The following PIK3CG variants were observed in gnomAD, a reference collection of about 807,000 sequenced individuals.
PIK3CG encodes phosphatidylinositol-4,5-bisphosphate 3-kinase catalytic subunit gamma, also known as phosphatidylinositol 4,5-bisphosphate 3-kinase catalytic subunit gamma isoform.
Under a neutral mutation model 102.3 loss-of-function variants are expected in PIK3CG, and 55 were observed. That is an observed-to-expected ratio of 0.54 (90% CI 0.43 to 0.67). The LOEUF (loss-of-function observed/expected upper bound fraction) is 0.67, where lower values mean the gene tolerates loss of function less well. Among genes scored for constraint, PIK3CG ranks in the 30% least tolerant of loss-of-function variants. The probability of loss-of-function intolerance (pLI) is 0.00; values close to 1 mark genes in which losing one functional copy is unlikely to be tolerated. For synonymous variants in PIK3CG, 552 were observed against 540.0 expected, an observed-to-expected ratio of 1.02 and a Z score of -0.31; for missense variants, 1,258 against 1,391.8, an observed-to-expected ratio of 0.90 and a Z score of 1.53.
rs1022188979 is a variant in PIK3CG at position 106,903,752 on chromosome 7, A to T, written c.3031-1357A>T. On this transcript the variant is annotated intron_variant, in intron 10 of 10. Coordinates refer to ENST00000496166, the MANE Select transcript of PIK3CG (RefSeq NM_001282426.2). This position sits in a 1 kb window ranked among gnomAD's most constrained non-coding sequence, Gnocchi z 4.3. Reference sequence around the variant, plus strand: ...TCACTTTTCTGATTTTATTTTTTTTATTTATTTATTTATTTATTTATTTAG... The same window carrying T: ...TCACTTTTCTGATTTTATTTTTTTTTTTTATTTATTTATTTATTTATTTAG... Among the ~76,000 whole-genome samples the T allele has an allele frequency of 2.0e-5, 3 of 150,690 alleles. No homozygotes were observed. Among genetic ancestry groups the T allele is most frequent in the Non-Finnish European group, 4.4e-5 (3 of 67,656 alleles).
At position 106,869,278 on chromosome 7, in the gene PIK3CG, G is replaced by A. The variant is rs2116461978; in HGVS notation, c.1717G>A (p.Glu573Lys). The change falls in exon 2 of 11, where the codon GAA becomes AAA. Residue 573 changes from glutamate (E) to lysine (K), a missense_variant. Coordinates refer to ENST00000496166, the MANE Select transcript of PIK3CG (RefSeq NM_001282426.2). This position sits in a 1 kb window ranked among gnomAD's most constrained non-coding sequence, Gnocchi z 5.3. Reference sequence around the variant, plus strand: ...TAACCCTCTCACAGCAGAGGACAAAGAATTGCTCTGGCATTTTAGATACGA... The same window carrying A: ...TAACCCTCTCACAGCAGAGGACAAAAAATTGCTCTGGCATTTTAGATACGA... Reference protein sequence around the residue: ...PLNPLTAEDKELLWHFRYESL... With the variant: ...PLNPLTAEDKKLLWHFRYESL... 3 of 1,614,216 alleles carry A rather than the reference G, an allele frequency of 1.9e-6. No individual in the cohort carries two copies. Among genetic ancestry groups the A allele is most frequent in the Non-Finnish European group, 1.7e-6 (2 of 1,180,036 alleles).
chr7:106,867,517 T>G lies in PIK3CG; in HGVS notation c.-12-33T>G. On this transcript the variant is annotated intron_variant, in intron 1 of 10. Coordinates refer to ENST00000496166, the MANE Select transcript of PIK3CG (RefSeq NM_001282426.2). This position sits in a 1 kb window ranked among gnomAD's most constrained non-coding sequence, Gnocchi z 5.1. ...AAAATATAAGGGGAAAGTGCCTTTC[T>G]TGTGACAAATCCCTGTGTCCCTCCG... 6.6e-7 allele frequency: 1 copy of G among 1,513,684 alleles called. No individual in the cohort carries two copies. Among genetic ancestry groups the G allele is most frequent in the South Asian group, 1.3e-5 (1 of 75,130 alleles). The allele number at this position is 1,513,684 out of a possible 1,614,324, so 93.8% of individuals were successfully genotyped here.
At chr7:106,898,924 T>G (rs1399805316) in intron 10 of PIK3CG, among the ~76,000 whole-genome samples, 1 of 152,174 alleles carries the variant, frequency 6.6e-6, no homozygotes, top group Admixed American at 6.6e-5. Flanking sequence ...TCATTTGTAA[T>G]TTGATAGAAA....
At chr7:106,901,598 A>G (rs1791555614) in intron 10 of PIK3CG, among the ~76,000 whole-genome samples, 1 of 152,146 alleles carries the variant, frequency 6.6e-6, no homozygotes, top group Non-Finnish European at 1.5e-5. Flanking sequence ...CTCTTGTTGG[A>G]GAACTGGTGT....
At chr7:106,873,725 G>T (rs1301916756) in intron 4 of PIK3CG, among the ~76,000 whole-genome samples, 1 of 151,678 alleles carries the variant, frequency 6.6e-6, no homozygotes, top group East Asian at 1.9e-4. Flanking sequence ...ATCTGTGTGT[G>T]TGTGTGTGTG....
chr7:106,897,004 CT>C lies in PIK3CG; in HGVS notation c.3031-8099del, dbSNP rs1247766972. Among the ~76,000 whole-genome samples, 1 of 152,100 alleles carries C rather than the reference CT, an allele frequency of 6.6e-6. No homozygotes were observed. The highest frequency in any genetic ancestry group is 2.4e-5 in the African/African-American group (1 of 41,404). On this transcript the variant is annotated intron_variant, in intron 10 of 10. Coordinates refer to ENST00000496166, the MANE Select transcript of PIK3CG (RefSeq NM_001282426.2). The surrounding 1 kb of genome is among the most constrained non-coding windows in gnomAD (Gnocchi z 4.6). ...ATATTTTGTCCTATAAATTTATATTCTTTTTTCTATATAAATATTTTGTGTT... is the reference window on the plus strand; with the variant it reads ...ATATTTTGTCCTATAAATTTATATTCTTTTTCTATATAAATATTTTGTGTT...
intron 5 of PIK3CG, among the ~76,000 whole-genome samples, chr7:106,876,392 C>G (rs901492244): frequency 1.5e-5 from 2 of 135,132 alleles, no homozygotes; most frequent in African/African-American, 5.6e-5. Flanking sequence ...AGGTGGGTTG[C>G]CTTCTTTTTT....
At position 106,879,006 on chromosome 7, in the gene PIK3CG, G is replaced by T. The variant is rs79591788; in HGVS notation, c.2392-513G>T. ...ATTTATTTAGATGTATGAGGTTTAG[G>T]GGGAGGGCGTGTTGTACCTAAATGC... On this transcript the variant is annotated intron_variant, in intron 5 of 10. Transcript: ENST00000496166. The surrounding 1 kb of genome is among the most constrained non-coding windows in gnomAD (Gnocchi z 4.9). Among the ~76,000 whole-genome samples, 16 of 152,260 alleles carry T rather than the reference G, an allele frequency of 1.1e-4. No homozygotes were observed. In the East Asian group the frequency reaches 2.9e-3, roughly 28 times the overall value.
intron 5 of PIK3CG, among the ~76,000 whole-genome samples, chr7:106,876,941 T>TA (rs1790768124): frequency 6.6e-6 from 1 of 152,108 alleles, no homozygotes; most frequent in South Asian, 2.1e-4. Context: ...CTCACACCTG[T>TA]AATTCCAGCA....
rs905549841 is a variant in PIK3CG, at chr7:106,897,877, A to G, written c.3031-7232A>G. Reference sequence around the variant, plus strand: ...GCGTTTTTATGGTAGAATGATTTCTATTCCTCTGGGTATATACCCAGTAAT... The same window carrying G: ...GCGTTTTTATGGTAGAATGATTTCTGTTCCTCTGGGTATATACCCAGTAAT... On this transcript the variant is annotated intron_variant, in intron 10 of 10. Coordinates refer to ENST00000496166, the MANE Select transcript of PIK3CG (RefSeq NM_001282426.2). The surrounding 1 kb of genome is among the most constrained non-coding windows in gnomAD (Gnocchi z 4.6). 3.3e-5 allele frequency among the ~76,000 whole-genome samples: 5 copies of G among 152,208 alleles called. No homozygotes were observed. The highest frequency in any genetic ancestry group is 3.8e-4 in the East Asian group (2 of 5,198).
In PIK3CG at chr7:106,883,066, T is replaced by C; in HGVS notation, c.2663T>C (p.Ile888Thr). The change falls in exon 8 of 11, where the codon ATT (isoleucine) becomes ACT (threonine). Residue 888 changes from isoleucine to threonine, a missense_variant. Coordinates refer to ENST00000496166, the MANE Select transcript of PIK3CG (RefSeq NM_001282426.2). This position sits in a 1 kb window ranked among gnomAD's most constrained non-coding sequence, Gnocchi z 5.8. ...GAGATTGTGAAAGACGCCACGACAA[T>C]TGCCAAAATTCAGCAAAGCACAGTG... is the stretch of plus-strand genomic sequence containing the variant. ...MIEIVKDATT[I>T]AKIQQSTVGN... is the part of the protein sequence containing the mutation. 6.2e-7 allele frequency: 1 copy of C among 1,614,076 alleles called. No homozygotes were observed. Among genetic ancestry groups the C allele is most frequent in the Non-Finnish European group, 8.5e-7 (1 of 1,179,994 alleles).
chr7:106,900,249 C>G lies in PIK3CG; in HGVS notation c.3031-4860C>G, dbSNP rs10270653. On this transcript the variant is annotated intron_variant, in intron 10 of 10. Transcript: ENST00000496166. ...TTGGATTATATATATATTTAGGCTA[C>G]TTTATATATATATTAAGGATAGTTA... is the stretch of plus-strand genomic sequence containing the variant. 6.6e-3 allele frequency among the ~76,000 whole-genome samples: 1,004 copies of G among 151,810 alleles called. 8 individuals carry two copies. Among genetic ancestry groups the G allele is most frequent in the African/African-American group, 0.023 (951 of 41,448 alleles).
At position 106,907,310 on chromosome 7, in the gene PIK3CG, G is replaced by A. The variant is rs1562805663; in HGVS notation, c.*1923G>A. 6.6e-6 allele frequency among the ~76,000 whole-genome samples: 1 copy of A among 152,002 alleles called. No homozygotes were observed. Among genetic ancestry groups the A allele is most frequent in the South Asian group, 2.1e-4 (1 of 4,828 alleles). Reference sequence around the variant, plus strand: ...AGATGATTCTTCTTCCTTGCCCTTTGAGCTTTTCCCCATCTCACAGGTATC... The same window carrying A: ...AGATGATTCTTCTTCCTTGCCCTTTAAGCTTTTCCCCATCTCACAGGTATC... On this transcript the variant is annotated 3_prime_UTR_variant, in exon 11 of 11. Coordinates refer to ENST00000496166, the MANE Select transcript of PIK3CG (RefSeq NM_001282426.2).
In PIK3CG at chr7:106,867,953, G is replaced by A. The variant is rs762519363; in HGVS notation, c.392G>A (p.Ser131Asn). 1 of 1,612,914 alleles carries A rather than the reference G, an allele frequency of 6.2e-7. No homozygotes were observed. Among genetic ancestry groups the A allele is most frequent in the Non-Finnish European group, 8.5e-7 (1 of 1,179,784 alleles). ...CGCTACTGGAAGGCCACGCACCGGAGCCCGGGCCAGATCCACCTGGTGCAG... is the reference window on the plus strand; with the variant it reads ...CGCTACTGGAAGGCCACGCACCGGAACCCGGGCCAGATCCACCTGGTGCAG... ...CLRYWKATHR[S>N]PGQIHLVQRH... is the part of the protein sequence containing the mutation. The change falls in exon 2 of 11, where the codon AGC becomes AAC. Residue 131 changes from serine (S) to asparagine (N), a missense_variant. By Grantham distance (46) the Ser-to-Asn change is conservative. Around this residue, in one of 2 missense-constraint regions of PIK3CG, gnomAD observed 832 missense variants for 787.5 expected, o/e 1.06. Transcript: ENST00000496166. This position sits in a 1 kb window ranked among gnomAD's most constrained non-coding sequence, Gnocchi z 5.1.
At position 106,890,235 on chromosome 7, in the gene PIK3CG, G is replaced by A. The variant is rs1791233461; in HGVS notation, c.3030+3943G>A. On this transcript the variant is annotated intron_variant, in intron 10 of 10. Transcript: ENST00000496166. This position sits in a 1 kb window ranked among gnomAD's most constrained non-coding sequence, Gnocchi z 4.2. ...CTCTCTCTGTTGCCCAGGCTGGAAT[G>A]CAGTGGTGTGATCTCGGCTCACTGC... 6.6e-6 allele frequency among the ~76,000 whole-genome samples: 1 copy of A among 152,228 alleles called. No homozygotes were observed. Among genetic ancestry groups the A allele is most frequent in the Non-Finnish European group, 1.5e-5 (1 of 68,046 alleles).
Position 106,908,132 on chromosome 7 carries a change from C to T in PIK3CG, c.*2745C>T, listed in dbSNP as rs954413410. ...AACTTTTATGTATATCTAGGACTGGCGACATAATTTGCAGAGCCCAGTGAA... is the reference window on the plus strand; with the variant it reads ...AACTTTTATGTATATCTAGGACTGGTGACATAATTTGCAGAGCCCAGTGAA... On this transcript the variant is annotated 3_prime_UTR_variant, in exon 11 of 11. Coordinates refer to ENST00000496166, the MANE Select transcript of PIK3CG (RefSeq NM_001282426.2). This position sits in a 1 kb window ranked among gnomAD's most constrained non-coding sequence, Gnocchi z 4.1. Among the ~76,000 whole-genome samples the T allele has an allele frequency of 1.3e-5, 2 of 152,008 alleles. No individual in the cohort carries two copies. The highest frequency in any genetic ancestry group is 4.8e-5 in the African/African-American group (2 of 41,380).
chr7:106,877,080 C>T lies in PIK3CG; in HGVS notation c.2391+2277C>T, dbSNP rs567767591. 1.3e-5 allele frequency among the ~76,000 whole-genome samples: 2 copies of T among 152,264 alleles called. No homozygotes were observed. The highest frequency in any genetic ancestry group is 4.2e-4 in the South Asian group (2 of 4,816). On this transcript the variant is annotated intron_variant, in intron 5 of 10. Coordinates refer to ENST00000496166, the MANE Select transcript of PIK3CG (RefSeq NM_001282426.2). The surrounding 1 kb of genome is among the most constrained non-coding windows in gnomAD (Gnocchi z 4.5). ...CGGGCATGGTGGCACGTGCCATAGT[C>T]CCCACTACTTGGAAGGCTGTGGTGG...
At chr7:106,887,259 G>A (rs1276352722) in intron 10 of PIK3CG, among the ~76,000 whole-genome samples, 1 of 152,104 alleles carries the variant, frequency 6.6e-6, no homozygotes, top group African/African-American at 2.4e-5. Context: ...CTATGTTATA[G>A]CAATACAAAC....
In PIK3CG at chr7:106,868,604, G is replaced by T. The variant is rs1281619231; in HGVS notation, c.1043G>T (p.Ser348Ile). The T allele has an allele frequency of 6.2e-7, 1 of 1,614,230 alleles. No homozygotes were observed. Among genetic ancestry groups the T allele is most frequent in the Admixed American group, 1.7e-5 (1 of 60,030 alleles). The change falls in exon 2 of 11, where the codon AGT becomes ATT. Residue 348 changes from serine to isoleucine, a missense_variant. Ser to Ile is a moderately radical substitution (Grantham distance 142). This residue lies in a region of PIK3CG where 832 missense variants were observed against 787.5 expected (regional missense o/e 1.06). Coordinates refer to ENST00000496166, the MANE Select transcript of PIK3CG (RefSeq NM_001282426.2). This position sits in a 1 kb window ranked among gnomAD's most constrained non-coding sequence, Gnocchi z 6.2. The stretch of plus-strand genomic sequence containing the variant: ...ACCATCCACGGCAAGGACCACGAGA[G>T]TGTGTTCACCGTGTCCCTGTGGGAC... ...QLTIHGKDHE[S>I]VFTVSLWDCD...
Sources: gnomAD v4.1 joint callset for allele counts (sites outside exome capture counted in the v4.1 genomes callset) on GRCh38, gnomAD v4.1.1 for gene constraint, gnomAD v4.1.1 regional missense constraint, Gnocchi (gnomAD v3.1) non-coding constraint, MANE v1.5 for transcripts, NCBI Gene and HGNC (gene_info 2026-07-23, HGNC 2026-07-21) for gene names.